The following SUGCT variants were observed in gnomAD, a reference collection of about 807,000 sequenced individuals.
SUGCT encodes the protein succinyl-CoA:glutarate-CoA transferase.
Under a neutral mutation model 55.0 loss-of-function variants are expected in SUGCT, and 41 were observed. The observed-to-expected ratio is 0.74, with a 90% CI of 0.58 to 0.97. SUGCT has a LOEUF of 0.97. SUGCT is among the 50% of genes least tolerant of loss of function. SUGCT has a pLI of 0.00. For synonymous variants in SUGCT, 187 were observed against 200.4 expected, an observed-to-expected ratio of 0.93 and a Z score of 0.56; for missense variants, 568 against 547.8, an observed-to-expected ratio of 1.04 and a Z score of -0.37.
intron 7 of SUGCT, among the ~76,000 whole-genome samples, chr7:40,270,900 A>T: frequency 6.6e-6 from 1 of 152,050 alleles, no homozygotes; most frequent in East Asian, 1.9e-4. Flanking sequence ...TAAGAGTATA[A>T]GTTTGTACTT....
intron 6 of SUGCT, among the ~76,000 whole-genome samples, chr7:40,204,198 C>CCAGA (rs2150773378): frequency 6.6e-6 from 1 of 152,050 alleles, no homozygotes; most frequent in East Asian, 1.9e-4. Context: ...ACTATGTTGC[C>CCAGA]CAGACTAGTC....
chr7:40,683,767 C>G (rs76552345), intron 12 of SUGCT, among the ~76,000 whole-genome samples: 6 of 152,182 alleles, frequency 3.9e-5, no homozygotes, highest in Admixed American at 3.3e-4. Context: ...TAGGTAACTG[C>G]GTGAAATGGC....
At chr7:40,860,188 T>A (rs1171006867) in intron 13 of SUGCT, 128 bp from the exon 14 acceptor site, 2 of 1,094,076 alleles carry the variant, frequency 1.8e-6, no homozygotes, top group Non-Finnish European at 2.7e-6. Flanking sequence ...CGTTGATGCA[T>A]CTGGAAGGGT....
At chr7:40,661,962 G>T (rs1453760146) in intron 12 of SUGCT, among the ~76,000 whole-genome samples, 1 of 152,172 alleles carries the variant, frequency 6.6e-6, no homozygotes, top group African/African-American at 2.4e-5. Flanking sequence ...CTGCAACTAA[G>T]GTCCAGACCT....
chr7:40,369,004 T>G (rs1402215631), intron 9 of SUGCT, among the ~76,000 whole-genome samples: 21 of 151,982 alleles, frequency 1.4e-4, no homozygotes. Context: ...CTTGGGAGGC[T>G]GAGGCAGAAG....
intron 1 of SUGCT, among the ~76,000 whole-genome samples, chr7:40,135,469 G>A (rs1787631215): frequency 6.6e-6 from 1 of 152,246 alleles, no homozygotes; most frequent in Non-Finnish European, 1.5e-5. Flanking sequence ...TTTCAGAAAG[G>A]ACTTTAGCCC....
At chr7:40,571,640 G>A (rs1231590613) in intron 12 of SUGCT, among the ~76,000 whole-genome samples, 1 of 151,950 alleles carries the variant, frequency 6.6e-6, no homozygotes, top group Non-Finnish European at 1.5e-5. Flanking sequence ...AATGTTTTTT[G>A]CATGAACACA....
the SUGCT span, among the ~76,000 whole-genome samples, chr7:40,898,487 G>GGT: frequency 3.9e-5 from 3 of 76,944 alleles, 1 homozygote; most frequent in African/African-American, 1.6e-4. Context: ...GGTCGGGGGG[G>GGT]GGGGGGGGGG....
intron 7 of SUGCT, among the ~76,000 whole-genome samples, chr7:40,272,101 A>C (rs1241921168): frequency 1.6e-5 from 2 of 125,354 alleles, no homozygotes; most frequent in Admixed American, 8.1e-5. Context: ...CTCTCTATAT[A>C]TATATATATA....
At position 40,218,937 on chromosome 7, in the gene SUGCT, T is replaced by C. The variant is rs1238886212; in HGVS notation, c.485-18698T>C. Among the ~76,000 whole-genome samples the C allele has an allele frequency of 3.3e-5, 5 of 152,194 alleles. No homozygotes were observed. In the East Asian group the frequency reaches 7.7e-4, roughly 23 times the overall value. On this transcript the variant is annotated intron_variant, in intron 6 of 13. Coordinates refer to ENST00000335693, the MANE Select transcript of SUGCT (RefSeq NM_001193313.2). ...CACCCGAGCCAGTGGCGGAAATCCG[T>C]TGGGGTCCCCTTCCAAGTTGTGCCA...
intron 9 of SUGCT, among the ~76,000 whole-genome samples, chr7:40,442,993 ATAGT>A (rs1331328094): frequency 6.6e-5 from 10 of 152,014 alleles, no homozygotes; most frequent in African/African-American, 2.4e-4. Flanking sequence ...TGTCCTTGTG[ATAGT>A]TTGCTCAGAG....
At chr7:40,518,503 A>C (rs544661507) in intron 12 of SUGCT, among the ~76,000 whole-genome samples, 1 of 152,150 alleles carries the variant, frequency 6.6e-6, no homozygotes. Context: ...GTCAACTCAG[A>C]TGTTGTTTTT....
At chr7:40,731,882 A>T (rs1169502141) in intron 12 of SUGCT, among the ~76,000 whole-genome samples, 1 of 152,146 alleles carries the variant, frequency 6.6e-6, no homozygotes, top group Non-Finnish European at 1.5e-5. Context: ...TTATGTAGCA[A>T]GTCAGTCTCT....
intron 11 of SUGCT, among the ~76,000 whole-genome samples, chr7:40,495,823 T>C (rs1316069607): frequency 6.6e-6 from 1 of 152,208 alleles, no homozygotes; most frequent in East Asian, 1.9e-4. Flanking sequence ...CCAATGGTTG[T>C]GACCATTAAT....
chr7:40,853,787 T>C (rs375150419), intron 13 of SUGCT, among the ~76,000 whole-genome samples: 1 of 152,184 alleles, frequency 6.6e-6, no homozygotes, highest in Non-Finnish European at 1.5e-5. Flanking sequence ...TTCTTCCTTA[T>C]ATAAATTGAA....
At chr7:40,419,615 A>G (rs558328852) in intron 9 of SUGCT, among the ~76,000 whole-genome samples, 1 of 152,288 alleles carries the variant, frequency 6.6e-6, no homozygotes, top group African/African-American at 2.4e-5. Flanking sequence ...GAATCCGTTC[A>G]AGAGCGTGCT....
chr7:40,739,800 C>T (rs960169713), intron 12 of SUGCT, among the ~76,000 whole-genome samples: 4 of 152,074 alleles, frequency 2.6e-5, no homozygotes, highest in African/African-American at 9.7e-5. Context: ...CTCCTAGTAC[C>T]TGCTTGGTGT....
At chr7:40,466,426 G>A (rs1216649226) in intron 11 of SUGCT, among the ~76,000 whole-genome samples, 1 of 152,156 alleles carries the variant, frequency 6.6e-6, no homozygotes, top group East Asian at 1.9e-4. Context: ...ATAAGCACAA[G>A]TTTTAGGAGC....
At chr7:40,668,345 G>C (rs562722882) in intron 12 of SUGCT, among the ~76,000 whole-genome samples, 1 of 151,840 alleles carries the variant, frequency 6.6e-6, no homozygotes, top group African/African-American at 2.4e-5. Flanking sequence ...TTATTCCTTT[G>C]TAGATAATCT....
Sources: allele counts gnomAD v4.1 joint callset (sites outside exome capture counted in the v4.1 genomes callset), GRCh38; gene constraint gnomAD v4.1.1; transcripts MANE v1.5; gene names NCBI Gene and HGNC (gene_info 2026-07-23, HGNC 2026-07-21).